Variants in SUGP2 observed in about 807,000 individuals in gnomAD.
SUGP2 encodes the protein SURP and G-patch domain containing 2.
SUGP2 carries 24 observed loss-of-function variants against 90.5 expected under a neutral mutation model. The observed-to-expected ratio is 0.27, with a 90% confidence interval of 0.19 to 0.37. The LOEUF (loss-of-function observed/expected upper bound fraction) is 0.37, where lower values mean the gene tolerates loss of function less well. SUGP2 is among the 10% of genes least tolerant of loss of function. The pLI is 1.00. For synonymous variants in SUGP2, 473 were observed against 513.4 expected (o/e 0.92, Z 1.06); for missense variants, 1,233 against 1,363.3 (o/e 0.90, Z 1.51).
At chr19:19,022,803 T>A (rs576176672) in intron 3 of SUGP2, among the ~76,000 whole-genome samples, 30 of 152,166 alleles carry the variant, frequency 2.0e-4, no homozygotes, top group Non-Finnish European at 3.7e-4. Flanking sequence ...TGGTGGGACC[T>A]ATCTAGTGTC....
At chr19:19,006,912 A>G (rs954672867) in intron 6 of SUGP2, among the ~76,000 whole-genome samples, 35 of 152,230 alleles carry the variant, frequency 2.3e-4, no homozygotes, top group Admixed American at 6.5e-5. Flanking sequence ...GCAAGTTGAA[A>G]GAGTATGTTC....
chr19:18,995,137 T>C lies in SUGP2; in HGVS notation c.3128+7A>G, dbSNP rs1446138745. 1 of 1,560,900 alleles carries C rather than the reference T, an allele frequency of 6.4e-7. No homozygotes were observed. Among genetic ancestry groups the C allele is most frequent in the African/African-American group, 1.4e-5 (1 of 73,708 alleles). On this transcript the variant is annotated splice_region_variant and intron_variant, in intron 9 of 10. Transcript: ENST00000452918. ...CCCACTCCCACCCCAGGCTGCCTGC[T>C]GCGTACACGCTGACCGGCTCCCTGA...
In SUGP2 at chr19:18,994,284, T is replaced by C. The variant is rs2057482571; in HGVS notation, c.*82A>G. ...GGCATTTTTGGGGGAGCAGGGAACA[T>C]CAACTTTGTTGGGGGAAATTTCTCT... On this transcript the variant is annotated intron_variant, in intron 10 of 10. Transcript: ENST00000452918. The C allele has an allele frequency of 1.9e-6, 3 of 1,551,936 alleles. No homozygotes were observed. The South Asian group carries it at 3.6e-5, about 19-fold the overall frequency.
At chr19:19,004,025 G>A in intron 7 of SUGP2, 143 bp downstream of exon 7, 1 of 667,472 alleles carries the variant, frequency 1.5e-6, no homozygotes, top group East Asian at 2.7e-5. Context: ...AGACCACTGG[G>A]AAACATGAGT....
rs927030162 is a variant in SUGP2 at position 19,018,627 on chromosome 19, C to T, written c.1850+482G>A. ...GCATGAACCCGGGAGGCGGAGGTTG[C>T]GGTGAGCCGAGATAGCGCCACTGCA... On this transcript the variant is annotated intron_variant, in intron 4 of 10. Coordinates refer to ENST00000452918, the MANE Select transcript of SUGP2 (RefSeq NM_001017392.5). Among the ~76,000 whole-genome samples, 4 of 125,454 alleles carry T rather than the reference C, an allele frequency of 3.2e-5. No individual in the cohort carries two copies. The East Asian group carries it at 7.7e-4, about 24-fold the overall frequency. The allele number at this position is 125,454 out of a possible 152,430, so 82.3% of individuals were successfully genotyped here. A position where few individuals can be genotyped will look rare whatever the true frequency, so the allele number is the denominator to read the frequency against.
At position 19,025,239 on chromosome 19, in the gene SUGP2, T is replaced by C. The variant is rs1441480953; in HGVS notation, c.1109A>G (p.Lys370Arg). ...ETCAKMLASF[K>R]CSLKPEHRDF... is the part of the protein sequence containing the mutation. ...TCTGTGCTCTGGTTTTAAGGAACAT[T>C]TGAATGAGGCAAGCATTTTAGCACA... The change falls in exon 3 of 11, where the codon AAA (lysine) becomes AGA (arginine). Residue 370 changes from lysine to arginine, a missense_variant. Transcript: ENST00000452918. 1 of 1,613,088 alleles carries C rather than the reference T, an allele frequency of 6.2e-7. No homozygotes were observed. Among genetic ancestry groups the C allele is most frequent in the Non-Finnish European group, 8.5e-7 (1 of 1,180,018 alleles).
At chr19:19,028,193 C>T (rs2059007439) in intron 2 of SUGP2, among the ~76,000 whole-genome samples, 1 of 152,156 alleles carries the variant, frequency 6.6e-6, no homozygotes, top group Admixed American at 6.5e-5. Flanking sequence ...AGGGGATGAC[C>T]TGGGCATCAG....
rs769167882 is a variant in SUGP2 at position 19,004,365 on chromosome 19, C to T, written c.2732G>A (p.Gly911Glu). 26 of 1,613,606 alleles carry T rather than the reference C, an allele frequency of 1.6e-5. No individual in the cohort carries two copies. The highest frequency in any genetic ancestry group is 2.1e-5 in the Non-Finnish European group (25 of 1,179,704). ...GGTGCTGCCCTCAGACTTGCCCGCC[C>T]CTCCAGGAGCGGGGGCCTCCTCTCC... The part of the protein sequence containing the change: ...DGGEEAPAPG[G>E]AGKSEGSTPA... The change falls in exon 7 of 11, where the codon GGG becomes GAG. Residue 911 changes from glycine to glutamate, a missense_variant. Around this residue, in one of 8 missense-constraint regions of SUGP2, gnomAD observed 540 missense variants for 542.6 expected, o/e 1.00. Transcript: ENST00000452918.
intron 3 of SUGP2, among the ~76,000 whole-genome samples, chr19:19,020,245 C>T (rs186827158): frequency 1.8e-4 from 28 of 151,392 alleles, no homozygotes; most frequent in Non-Finnish European, 2.8e-4. Flanking sequence ...CTGGCTAACA[C>T]GATGAAACTC....
chr19:18,999,449 A>C (rs1479388972), intron 8 of SUGP2, among the ~76,000 whole-genome samples: 1 of 152,182 alleles, frequency 6.6e-6, no homozygotes, highest in South Asian at 2.1e-4. Context: ...CAAGGTTACA[A>C]AACTACTCGG....
In SUGP2 at chr19:19,004,408, C is replaced by T. The variant is rs751513490; in HGVS notation, c.2689G>A (p.Glu897Lys). The stretch of plus-strand genomic sequence containing the variant: ...TCCTCTCCCCCATCCTCATCGTCCT[C>T]GTCCTCCTCCTCAGGCATCACCTCT... ...SPEVMPEEED[E>K]DDEDGGEEAP... Residue 897 changes from glutamate (E) to lysine (K), a missense_variant, in exon 7 of 11, where the codon GAG (glutamate) becomes AAG (lysine). This residue lies in a region of SUGP2 where 540 missense variants were observed against 542.6 expected (regional missense o/e 1.00). Coordinates refer to ENST00000452918, the MANE Select transcript of SUGP2 (RefSeq NM_001017392.5). The T allele has an allele frequency of 2.2e-5, 36 of 1,614,046 alleles. No homozygotes were observed. The East Asian group carries it at 4.5e-4, about 20-fold the overall frequency.
intron 4 of SUGP2, among the ~76,000 whole-genome samples, chr19:19,017,292 A>G (rs1342277972): frequency 6.6e-6 from 1 of 152,228 alleles, no homozygotes; most frequent in Non-Finnish European, 1.5e-5. Flanking sequence ...ATAAACATCA[A>G]TGGTCTCCAT....
intron 4 of SUGP2, among the ~76,000 whole-genome samples, chr19:19,012,867 G>A (rs1188463999): frequency 6.6e-6 from 1 of 151,928 alleles, no homozygotes; most frequent in East Asian, 1.9e-4. Context: ...GGACTTAAAT[G>A]ATTTTTTTTT....
At chr19:19,000,584 G>A (rs557666005) in intron 8 of SUGP2, among the ~76,000 whole-genome samples, 1 of 152,308 alleles carries the variant, frequency 6.6e-6, no homozygotes, top group African/African-American at 2.4e-5. Context: ...GAGACCAGGA[G>A]GAGACATAGG....
Position 19,024,680 on chromosome 19 carries a change from C to T in SUGP2, c.1668G>A (p.Glu556=), listed in dbSNP as rs781285176. The T allele has an allele frequency of 6.2e-7, 1 of 1,614,134 alleles. No individual in the cohort carries two copies. Among genetic ancestry groups the T allele is most frequent in the Non-Finnish European group, 8.5e-7 (1 of 1,179,982 alleles). The change falls in exon 3 of 11, where the codon GAG becomes GAA. Residue 556 remains glutamate (E), a synonymous_variant. Transcript: ENST00000452918. ...KAEPEPMREE[E]KMIPPTKPEI... is the part of the protein sequence containing the mutation. ...CAGGTTTCGTAGGAGGAATCATTTTCTCCTCCTCTCGCATCGGCTCTGGTT... is the reference window on the plus strand; with the variant it reads ...CAGGTTTCGTAGGAGGAATCATTTTTTCCTCCTCTCGCATCGGCTCTGGTT...
In SUGP2 at chr19:19,025,412, T is replaced by C. The variant is rs749173118; in HGVS notation, c.936A>G (p.Arg312=). ...TATCTATGATGTCAAAGCTCATCTT[T>C]CTTCTGGGGAGCCGAAGATTCTTCA... ...LDLKNLRLPR[R]KMSFDIIDKS... is the part of the protein sequence containing the mutation. Residue 312 remains arginine (R), a synonymous_variant, in exon 3 of 11, where the codon AGA becomes AGG. Coordinates refer to ENST00000452918, the MANE Select transcript of SUGP2 (RefSeq NM_001017392.5). 6.2e-7 allele frequency: 1 copy of C among 1,614,190 alleles called. No homozygotes were observed.
In SUGP2 at chr19:19,033,502, C is replaced by G. The variant is rs1342525452; in HGVS notation, c.-77G>C. 5 of 1,405,698 alleles carry G rather than the reference C, an allele frequency of 3.6e-6. No homozygotes were observed. Among genetic ancestry groups the G allele is most frequent in the African/African-American group, 1.5e-5 (1 of 65,696 alleles). 87.1% of individuals were successfully genotyped at this position (1,405,698 alleles called of 1,614,324 possible). A position where few individuals can be genotyped will look rare whatever the true frequency, so the allele number is the denominator to read the frequency against. On this transcript the variant is annotated 5_prime_UTR_variant, in exon 1 of 11. Coordinates refer to ENST00000452918, the MANE Select transcript of SUGP2 (RefSeq NM_001017392.5). ...CAGGCTCCTCACCCGCCGCCGCCGC[C>G]GCGCGAGGCGGGGACATGCAAATGA...
At position 19,025,515 on chromosome 19, in the gene SUGP2, G is replaced by A; in HGVS notation, c.833C>T (p.Pro278Leu). The stretch of plus-strand genomic sequence containing the variant: ...TGGGTTTGTCCCCAGGGTCACATCA[G>A]GACTTGGAGTGTTTTTCTGGATTTG... ...TNQIQKNTPS[P>L]DVTLGTNPGT... is the part of the protein sequence containing the mutation. The change falls in exon 3 of 11, where the codon CCT (proline) becomes CTT (leucine). Residue 278 changes from proline to leucine, a missense_variant. Transcript: ENST00000452918. 1 of 1,614,114 alleles carries A rather than the reference G, an allele frequency of 6.2e-7. No individual in the cohort carries two copies. The highest frequency in any genetic ancestry group is 8.5e-7 in the Non-Finnish European group (1 of 1,180,012).
In SUGP2 at chr19:19,008,239, A is replaced by C. The variant is rs2058163797; in HGVS notation, c.2450+78T>G. ...GGATCACTTGAGCCCAGGAATTCAA[A>C]TCCAGCCTAAGCAACATCCTTAGAC... On this transcript the variant is annotated intron_variant, in intron 6 of 10. Transcript: ENST00000452918. 36 of 1,256,538 alleles carry C rather than the reference A, an allele frequency of 2.9e-5. 1 individual carries two copies. In the South Asian group the frequency reaches 4.3e-4, roughly 15 times the overall value. 77.8% of individuals were successfully genotyped at this position (1,256,538 alleles called of 1,614,324 possible).
Sources: gnomAD v4.1 joint callset for allele counts (sites outside exome capture counted in the v4.1 genomes callset) on GRCh38, gnomAD v4.1.1 for gene constraint, gnomAD v4.1.1 regional missense constraint, MANE v1.5 for transcripts, NCBI Gene and HGNC (gene_info 2026-07-23, HGNC 2026-07-21) for gene names.